Variants in TBC1D32 observed in about 807,000 individuals in gnomAD.
TBC1D32 encodes protein broad-minded.
Under a neutral mutation model 170.3 loss-of-function variants are expected in TBC1D32, and 151 were observed. The observed-to-expected ratio is 0.89, with a 90% CI of 0.78 to 1.01. The LOEUF is 1.01. Ranked by LOEUF, TBC1D32 falls within the 50% of genes least tolerant of loss-of-function variation. The pLI, the probability that TBC1D32 is intolerant of heterozygous loss-of-function variation, is 0.00. For missense variants in TBC1D32, 1,464 were observed against 1,457.1 expected (o/e 1.00, Z -0.08); for synonymous variants, 498 against 488.0 (o/e 1.02, Z -0.27).
intron 22 of TBC1D32, among the ~76,000 whole-genome samples, chr6:121,188,913 C>T (rs1274065484): frequency 2.6e-5 from 4 of 152,042 alleles, no homozygotes; most frequent in Non-Finnish European, 5.9e-5. Flanking sequence ...AGAATCTGGA[C>T]CTTTATTTGG....
chr6:121,086,862 T>C (rs1051061182), intron 31 of TBC1D32, among the ~76,000 whole-genome samples: 1 of 152,208 alleles, frequency 6.6e-6, no homozygotes, highest in African/African-American at 2.4e-5. Flanking sequence ...CCTGTTTGTG[T>C]GTGTGTATGC....
chr6:121,238,897 C>A (rs1796626295), intron 20 of TBC1D32, among the ~76,000 whole-genome samples, 173 bp downstream of exon 20: 1 of 151,882 alleles, frequency 6.6e-6, no homozygotes, highest in South Asian at 2.1e-4. Flanking sequence ...GGATTTCTAT[C>A]ATTTGCTAAA....
At chr6:121,211,822 C>A (rs1279331833) in intron 21 of TBC1D32, among the ~76,000 whole-genome samples, 1 of 152,130 alleles carries the variant, frequency 6.6e-6, no homozygotes, top group African/African-American at 2.4e-5. Context: ...TGACCACACC[C>A]TGGAGCCCCC....
intron 22 of TBC1D32, among the ~76,000 whole-genome samples, chr6:121,195,473 G>A (rs1201670330): frequency 2.0e-5 from 3 of 152,140 alleles, no homozygotes; most frequent in African/African-American, 7.2e-5. Context: ...CATGTGACCT[G>A]AACTGCCTAT....
intron 16 of TBC1D32, 56 bp downstream of exon 16, chr6:121,256,028 C>G: frequency 6.9e-7 from 1 of 1,439,488 alleles, no homozygotes; most frequent in Non-Finnish European, 9.6e-7. Context: ...TATAATGGTG[C>G]TTATATTTGA....
intron 24 of TBC1D32, among the ~76,000 whole-genome samples, chr6:121,152,874 A>C (rs1442396131): frequency 6.6e-6 from 1 of 152,076 alleles, no homozygotes; most frequent in Admixed American, 6.5e-5. Flanking sequence ...TTCTTCTCTT[A>C]ACTGGTTAGT....
At chr6:121,173,363 T>C (rs1787331317) in intron 22 of TBC1D32, among the ~76,000 whole-genome samples, 1 of 152,164 alleles carries the variant, frequency 6.6e-6, no homozygotes, top group Non-Finnish European at 1.5e-5. Context: ...TATGATTGCA[T>C]GAGTCAATAC....
chr6:121,318,548 GAATA>G (rs1563384106), intron 2 of TBC1D32, among the ~76,000 whole-genome samples: 4 of 151,924 alleles, frequency 2.6e-5, no homozygotes, highest in Non-Finnish European at 5.9e-5. Context: ...TAAAAATAGT[GAATA>G]AATTATAAAA....
At chr6:121,274,361 A>AC (rs900449675) in intron 15 of TBC1D32, among the ~76,000 whole-genome samples, 1 of 150,334 alleles carries the variant, frequency 6.7e-6, no homozygotes, top group Non-Finnish European at 1.5e-5. Flanking sequence ...AACAACAACA[A>AC]AAAAAAAACC....
At chr6:121,325,358 G>A (rs932070170) in intron 1 of TBC1D32, among the ~76,000 whole-genome samples, 17 of 122,436 alleles carry the variant, frequency 1.4e-4, no homozygotes, top group Non-Finnish European at 2.8e-4. Flanking sequence ...GAGGCATCAC[G>A]CTACCTGACT....
At position 121,080,552 on chromosome 6, in the gene TBC1D32, G is replaced by A; in HGVS notation, c.*219C>T. ...AAACATGAATAAGAACTAAAAGTAA[G>A]CTAGATCTGATTCTATAATAACCTT... On this transcript the variant is annotated 3_prime_UTR_variant, in exon 32 of 32. Coordinates refer to ENST00000398212, the MANE Select transcript of TBC1D32 (RefSeq NM_152730.6). 1 of 525,314 alleles carries A rather than the reference G, an allele frequency of 1.9e-6. No homozygotes were observed. The highest frequency in any genetic ancestry group is 3.1e-6 in the Non-Finnish European group (1 of 324,254). 32.5% of individuals were successfully genotyped at this position (525,314 alleles called of 1,614,324 possible). A position where few individuals can be genotyped will look rare whatever the true frequency, so the allele number is the denominator to read the frequency against.
At chr6:121,208,663 A>G (rs1190400717) in intron 21 of TBC1D32, among the ~76,000 whole-genome samples, 2 of 151,358 alleles carry the variant, frequency 1.3e-5, no homozygotes, top group African/African-American at 4.8e-5. Context: ...ACAGAGAAGA[A>G]AAAATAGACA....
intron 17 of TBC1D32, among the ~76,000 whole-genome samples, chr6:121,251,228 T>G (rs1798252442): frequency 1.3e-5 from 2 of 152,060 alleles, no homozygotes; most frequent in Admixed American, 1.3e-4. Flanking sequence ...AAAAAACTAC[T>G]TTAAATTTCA....
At position 121,294,585 on chromosome 6, in the gene TBC1D32, G is replaced by A. The variant is rs774009815; in HGVS notation, c.1216C>T (p.His406Tyr). ...KTRKADETLGHSKHCRNKQKT... is the reference protein window; with the variant it reads ...KTRKADETLGYSKHCRNKQKT... Reference sequence around the variant, plus strand: ...TAATACTTACTGCAATGCTTTGAATGTCCCAAAGTTTCATCAGCTTTCCTA... The same window carrying A: ...TAATACTTACTGCAATGCTTTGAATATCCCAAAGTTTCATCAGCTTTCCTA... Residue 406 changes from histidine (H) to tyrosine (Y), a missense_variant, in exon 11 of 32, where the codon CAT (histidine) becomes TAT (tyrosine). Transcript: ENST00000398212. The A allele has an allele frequency of 1.2e-6, 2 of 1,611,316 alleles. No homozygotes were observed. The highest frequency in any genetic ancestry group is 1.7e-6 in the Non-Finnish European group (2 of 1,178,740).
intron 2 of TBC1D32, among the ~76,000 whole-genome samples, chr6:121,321,093 C>G (rs1033584564): frequency 6.6e-5 from 10 of 152,134 alleles, no homozygotes; most frequent in Non-Finnish European, 8.8e-5. Context: ...ATATAGCTCA[C>G]ACTTATTTCA....
At position 121,256,081 on chromosome 6, in the gene TBC1D32, T is replaced by C; in HGVS notation, c.1935+3A>G. The C allele has an allele frequency of 6.2e-7, 1 of 1,604,140 alleles. No individual in the cohort carries two copies. The highest frequency in any genetic ancestry group is 1.1e-5 in the South Asian group (1 of 88,276). On this transcript the variant is annotated splice_donor_region_variant and intron_variant, in intron 16 of 31. Coordinates refer to ENST00000398212, the MANE Select transcript of TBC1D32 (RefSeq NM_152730.6). ...AGAAAAAACGAAGCTTGAAAATACT[T>C]ACCTTTTTCCATGCCTTTGCTATAG...
chr6:121,278,615 T>C (rs1366548917), intron 15 of TBC1D32, among the ~76,000 whole-genome samples: 2 of 152,160 alleles, frequency 1.3e-5, no homozygotes, highest in Non-Finnish European at 2.9e-5. Context: ...TTAAAAATCA[T>C]GTTTCATTCT....
chr6:121,256,251 T>TCGAAAAC lies in TBC1D32; in HGVS notation c.1761_1767dup (p.Lys590ValfsTer8). The TCGAAAAC allele has an allele frequency of 6.2e-7, 1 of 1,613,556 alleles. No homozygotes were observed. The highest frequency in any genetic ancestry group is 8.5e-7 in the Non-Finnish European group (1 of 1,179,856). ...GAAATATCTTCATCGAGAAGTTTTTTCGAAAACTGGGCAATTATATGAGCA... is the reference window on the plus strand; with the variant it reads ...GAAATATCTTCATCGAGAAGTTTTTTCGAAAACCGAAAACTGGGCAATTATATGAGCA... On this transcript the variant is annotated frameshift_variant, in exon 16 of 32. Coordinates refer to ENST00000398212, the MANE Select transcript of TBC1D32 (RefSeq NM_152730.6). LOFTEE classifies it high-confidence loss of function.
chr6:121,175,261 T>C (rs1256406824), intron 22 of TBC1D32, among the ~76,000 whole-genome samples: 1 of 152,108 alleles, frequency 6.6e-6, no homozygotes, highest in Non-Finnish European at 1.5e-5. Context: ...GGATTTTGAG[T>C]TAAGATTTGA....
Sources: gnomAD v4.1 joint callset for allele counts (sites outside exome capture counted in the v4.1 genomes callset) on GRCh38, gnomAD v4.1.1 for gene constraint, MANE v1.5 for transcripts, NCBI Gene and HGNC (gene_info 2026-07-23, HGNC 2026-07-21) for gene names.